The following STK39 variants were observed in gnomAD, a reference collection of about 807,000 sequenced individuals.
STK39 encodes the protein STE20/SPS1-related proline-alanine-rich protein kinase.
STK39 carries 20 observed loss-of-function variants against 77.8 expected under a neutral mutation model. That is an observed-to-expected ratio of 0.26 (90% CI 0.18 to 0.37). The LOEUF (loss-of-function observed/expected upper bound fraction) is 0.37. Among genes scored for constraint, STK39 ranks in the 10% least tolerant of loss-of-function variants. STK39 has a pLI of 1.00. For synonymous variants in STK39, 246 were observed against 234.1 expected, an observed-to-expected ratio of 1.05 and a Z score of -0.47; for missense variants, 479 against 656.5, an observed-to-expected ratio of 0.73 and a Z score of 2.95.
chr2:168,120,859 T>TC (rs1302932717), intron 10 of STK39, among the ~76,000 whole-genome samples: 1 of 152,166 alleles, frequency 6.6e-6, no homozygotes, highest in Non-Finnish European at 1.5e-5. Flanking sequence ...GCCATCTCTC[T>TC]CCCCAACATA....
intron 1 of STK39, among the ~76,000 whole-genome samples, chr2:168,203,854 G>A (rs779648868): frequency 4.6e-5 from 7 of 152,168 alleles, no homozygotes; most frequent in African/African-American, 1.4e-4. Flanking sequence ...TCGGCCTCCC[G>A]AAGTGCTGGG....
chr2:167,960,775 AC>A lies in STK39; in HGVS notation c.1563+3886del, dbSNP rs149078794. 9.3e-5 allele frequency among the ~76,000 whole-genome samples: 14 copies of A among 150,804 alleles called. No homozygotes were observed. In the East Asian group the frequency reaches 1.4e-3, roughly 15 times the overall value. Reference sequence around the variant, plus strand: ...CACTAGGAGAGTGTGAGGTGCCCCCACCCCCCCACCATAGAGTCTGAGAACC... The same window carrying A: ...CACTAGGAGAGTGTGAGGTGCCCCCACCCCCCACCATAGAGTCTGAGAACC... On this transcript the variant is annotated intron_variant, in intron 17 of 17. Transcript: ENST00000355999.
intron 16 of STK39, among the ~76,000 whole-genome samples, chr2:168,004,962 T>C (rs948857430): frequency 6.7e-6 from 1 of 150,194 alleles, no homozygotes; most frequent in African/African-American, 2.4e-5. Flanking sequence ...CTCAGAATAC[T>C]TAACCTTAGC....
intron 16 of STK39, among the ~76,000 whole-genome samples, chr2:167,983,632 T>C (rs891828179): frequency 1.3e-5 from 2 of 152,150 alleles, no homozygotes; most frequent in Non-Finnish European, 2.9e-5. Context: ...CATGCTAGTG[T>C]GCCTTCTGAT....
At chr2:168,150,083 C>A (rs1688240083) in intron 5 of STK39, among the ~76,000 whole-genome samples, 1 of 152,180 alleles carries the variant, frequency 6.6e-6, no homozygotes, top group African/African-American at 2.4e-5. Flanking sequence ...CAGCAAGATC[C>A]CCAGCTGACT....
At chr2:168,057,572 A>G (rs1346624863) in intron 14 of STK39, among the ~76,000 whole-genome samples, 1 of 152,120 alleles carries the variant, frequency 6.6e-6, no homozygotes, top group African/African-American at 2.4e-5. Context: ...ATGCACGCGC[A>G]CACACACACA....
At chr2:168,121,544 A>G (rs895438360) in intron 10 of STK39, among the ~76,000 whole-genome samples, 1 of 152,170 alleles carries the variant, frequency 6.6e-6, no homozygotes, top group African/African-American at 2.4e-5. Context: ...ATGGCAATGA[A>G]CTAACTACTG....
intron 12 of STK39, among the ~76,000 whole-genome samples, chr2:168,072,365 T>C (rs958469294): frequency 3.9e-5 from 6 of 152,102 alleles, no homozygotes; most frequent in Non-Finnish European, 8.8e-5. Flanking sequence ...TCTCCTATGT[T>C]TTTCAAATCA....
intron 12 of STK39, among the ~76,000 whole-genome samples, chr2:168,071,158 C>T (rs922483040): frequency 6.6e-6 from 1 of 152,148 alleles, no homozygotes; most frequent in Admixed American, 6.5e-5. Context: ...ATGGTACTAA[C>T]AAAGCTACTT....
rs145526041 is a variant in STK39, at chr2:168,082,159, T to A, written c.1090-6928A>T. Among the ~76,000 whole-genome samples the A allele has an allele frequency of 8.0e-4, 122 of 152,312 alleles. 2 individuals are homozygous for A. The highest frequency in any genetic ancestry group is 2.6e-4 in the Non-Finnish European group (18 of 68,026). On this transcript the variant is annotated intron_variant, in intron 10 of 17. Coordinates refer to ENST00000355999, the MANE Select transcript of STK39 (RefSeq NM_013233.3). ...TCTGGGAGCACTCCTCATGTATCTATTCACTTATTCCTTCCTTCAAGACAC... is the reference window on the plus strand; with the variant it reads ...TCTGGGAGCACTCCTCATGTATCTAATCACTTATTCCTTCCTTCAAGACAC...
intron 10 of STK39, among the ~76,000 whole-genome samples, chr2:168,102,532 T>G (rs1686857967): frequency 6.6e-6 from 1 of 152,208 alleles, no homozygotes; most frequent in Admixed American, 6.5e-5. Context: ...CCCATTTCAA[T>G]GCACAACTAC....
intron 3 of STK39, 83 bp from the exon 4 acceptor site, chr2:168,163,963 T>C (rs1031397207): frequency 7.3e-6 from 11 of 1,497,796 alleles, no homozygotes; most frequent in East Asian, 4.6e-5. Context: ...TAAAATTTAA[T>C]AGAAACATCA....
chr2:168,042,426 T>C (rs2105353877), intron 14 of STK39, among the ~76,000 whole-genome samples: 1 of 152,322 alleles, frequency 6.6e-6, no homozygotes, highest in South Asian at 2.1e-4. Flanking sequence ...TTACTTTGTA[T>C]ATTAAAAACA....
rs1324479580 is a variant in STK39, at chr2:168,196,769, G to A, written c.209-14679C>T. ...GCCTCTCTCAGGTGGTGACATGTGG[G>A]CTGACAAGAAGGGGCTGACCATGCA... On this transcript the variant is annotated intron_variant, in intron 1 of 17. Coordinates refer to ENST00000355999, the MANE Select transcript of STK39 (RefSeq NM_013233.3). Among the ~76,000 whole-genome samples the A allele has an allele frequency of 3.9e-5, 6 of 152,214 alleles. No individual in the cohort carries two copies. In the East Asian group the frequency reaches 9.6e-4, roughly 24 times the overall value.
intron 14 of STK39, among the ~76,000 whole-genome samples, chr2:168,031,883 G>C (rs1684841034): frequency 6.6e-6 from 1 of 152,166 alleles, no homozygotes; most frequent in Admixed American, 6.5e-5. Flanking sequence ...ATATTTAAAA[G>C]TCAACATTTG....
intron 1 of STK39, among the ~76,000 whole-genome samples, chr2:168,195,102 C>A (rs1689435753): frequency 1.3e-5 from 2 of 152,184 alleles, no homozygotes; most frequent in Non-Finnish European, 1.5e-5. Flanking sequence ...CTCTCTCTTT[C>A]ATTTACTCAA....
intron 10 of STK39, among the ~76,000 whole-genome samples, chr2:168,094,129 T>A (rs1686599049): frequency 2.0e-5 from 3 of 152,144 alleles, no homozygotes; most frequent in Non-Finnish European, 4.4e-5. Context: ...CCAGCATTCA[T>A]CCTGATGCTC....
At chr2:168,233,094 G>C (rs980656202) in intron 1 of STK39, among the ~76,000 whole-genome samples, 10 of 152,022 alleles carry the variant, frequency 6.6e-5, no homozygotes, top group Non-Finnish European at 2.9e-5. Flanking sequence ...CTCTAGCCCC[G>C]ATCTTGACTT....
At chr2:168,214,876 A>T (rs1421347062) in intron 1 of STK39, among the ~76,000 whole-genome samples, 1 of 152,070 alleles carries the variant, frequency 6.6e-6, no homozygotes, top group Non-Finnish European at 1.5e-5. Flanking sequence ...AATCCAAAAG[A>T]GTGTATTGGT....
Sources: gnomAD v4.1 joint callset for allele counts (sites outside exome capture counted in the v4.1 genomes callset) on GRCh38, gnomAD v4.1.1 for gene constraint, MANE v1.5 for transcripts, NCBI Gene and HGNC (gene_info 2026-07-23, HGNC 2026-07-21) for gene names.